FAF2: variants seen among roughly 807,000 people sequenced by gnomAD.
FAF2 encodes Fas associated factor family member 2.
FAF2 carries 9 observed loss-of-function variants against 62.3 expected under a neutral mutation model. The ratio of observed to expected loss-of-function variants is 0.14; its 90% CI spans 0.09 to 0.25. The LOEUF (loss-of-function observed/expected upper bound fraction) is 0.25. FAF2 is among the 10% of genes least tolerant of loss of function. The probability of loss-of-function intolerance (pLI) is 1.00; values close to 1 mark genes in which losing one functional copy is unlikely to be tolerated. For synonymous variants in FAF2, 202 were observed against 198.0 expected (o/e 1.02, Z -0.17); for missense variants, 368 against 556.2 (o/e 0.66, Z 3.40).
At chr5:176,491,111 A>G (rs1008792546) in intron 4 of FAF2, among the ~76,000 whole-genome samples, 1 of 152,204 alleles carries the variant, frequency 6.6e-6, no homozygotes, top group African/African-American at 2.4e-5. Context: ...ATCACAGTTT[A>G]ATCACCTTGT....
chr5:176,496,887 G>C, intron 8 of FAF2: 1 of 315,440 alleles, frequency 3.2e-6, no homozygotes, highest in South Asian at 1.2e-4. Context: ...GCTGGGTGCA[G>C]TGGCTAACAC....
At chr5:176,467,463 T>C (rs1183450894) in intron 1 of FAF2, among the ~76,000 whole-genome samples, 1 of 152,062 alleles carries the variant, frequency 6.6e-6, no homozygotes, top group East Asian at 1.9e-4. Flanking sequence ...CCCGAGTAGC[T>C]AGAGATTACA....
chr5:176,498,954 G>A lies in FAF2; in HGVS notation c.880G>A (p.Asp294Asn). The part of the protein sequence containing the change: ...NQTQVLRQQQ[D>N]EAYLASLRAD... Reference sequence around the variant, plus strand: ...GACCCAAGTGCTGAGACAACAGCAGGATGAGGCCTACCTGGCCTCTCTCAG... The same window carrying A: ...GACCCAAGTGCTGAGACAACAGCAGAATGAGGCCTACCTGGCCTCTCTCAG... The change falls in exon 9 of 11, where the codon GAT (aspartate) becomes AAT (asparagine). Residue 294 changes from aspartate to asparagine, a missense_variant. Coordinates refer to ENST00000261942, the MANE Select transcript of FAF2 (RefSeq NM_014613.3). 6.2e-7 allele frequency: 1 copy of A among 1,611,324 alleles called. No individual in the cohort carries two copies. Among genetic ancestry groups the A allele is most frequent in the Non-Finnish European group, 8.5e-7 (1 of 1,178,136 alleles).
chr5:176,500,188 G>T (rs1388353969), intron 10 of FAF2, 42 bp downstream of exon 10: 1 of 1,598,030 alleles, frequency 6.3e-7, no homozygotes, highest in Admixed American at 1.7e-5. Context: ...GTAGCATCTG[G>T]GCTATAGATT....
At position 176,482,748 on chromosome 5, in the gene FAF2, T is replaced by C. The variant is rs145182522; in HGVS notation, c.132+3492T>C. On this transcript the variant is annotated intron_variant, in intron 2 of 10. Transcript: ENST00000261942. Reference sequence around the variant, plus strand: ...CCAGGCTGGTCTTAAACTCCTGGGCTCCAGTGATTCTCCCAGCTTGTCTTC... The same window carrying C: ...CCAGGCTGGTCTTAAACTCCTGGGCCCCAGTGATTCTCCCAGCTTGTCTTC... Among the ~76,000 whole-genome samples, 308 of 152,310 alleles carry C rather than the reference T, an allele frequency of 2.0e-3. 5 individuals carry two copies. Among genetic ancestry groups the C allele is most frequent in the African/African-American group, 7.2e-3 (299 of 41,556 alleles).
chr5:176,452,114 G>A (rs1289131822), intron 1 of FAF2, among the ~76,000 whole-genome samples: 1 of 150,964 alleles, frequency 6.6e-6, no homozygotes, highest in Non-Finnish European at 1.5e-5. Flanking sequence ...CTGGGGTGCA[G>A]TGGTGCGATC....
intron 7 of FAF2, among the ~76,000 whole-genome samples, chr5:176,495,896 G>T (rs1344072843): frequency 6.6e-6 from 1 of 152,044 alleles, no homozygotes; most frequent in Non-Finnish European, 1.5e-5. Flanking sequence ...GAAAGGATAA[G>T]GAAAGGATTA....
At position 176,473,728 on chromosome 5, in the gene FAF2, C is replaced by T. The variant is rs148976836; in HGVS notation, c.64-5460C>T. Among the ~76,000 whole-genome samples, 468 of 152,264 alleles carry T rather than the reference C, an allele frequency of 3.1e-3. 3 individuals carry two copies. Among genetic ancestry groups the T allele is most frequent in the African/African-American group, 9.2e-3 (384 of 41,538 alleles). The stretch of plus-strand genomic sequence containing the variant: ...TATTTATTTTATTGCTAAAATTGTT[C>T]GAGCTTTAGTCACTGGGATCTTTTT... On this transcript the variant is annotated intron_variant, in intron 1 of 10. Coordinates refer to ENST00000261942, the MANE Select transcript of FAF2 (RefSeq NM_014613.3).
At chr5:176,504,381 C>T (rs1218143373) in intron 10 of FAF2, among the ~76,000 whole-genome samples, 5 of 151,780 alleles carry the variant, frequency 3.3e-5, no homozygotes, top group Admixed American at 6.6e-5. Context: ...GTCAGGAGTT[C>T]GAGACCAGCC....
intron 1 of FAF2, among the ~76,000 whole-genome samples, chr5:176,478,133 G>GTAT (rs1169197502): frequency 6.6e-6 from 1 of 152,218 alleles, no homozygotes; most frequent in African/African-American, 2.4e-5. Context: ...GGCATGAGAT[G>GTAT]TATACATGAA....
chr5:176,501,949 G>T (rs535571531), intron 10 of FAF2, among the ~76,000 whole-genome samples: 1 of 152,020 alleles, frequency 6.6e-6, no homozygotes, highest in Non-Finnish European at 1.5e-5. Flanking sequence ...TAGAGATGGG[G>T]TTTCACCATG....
Position 176,474,277 on chromosome 5 carries a change from C to T in FAF2, c.64-4911C>T, listed in dbSNP as rs189036936. Reference sequence around the variant, plus strand: ...CTACAGACAGAAAACTGGCTTTCATCATTCACCATCTTTTTACTTAATTGT... The same window carrying T: ...CTACAGACAGAAAACTGGCTTTCATTATTCACCATCTTTTTACTTAATTGT... On this transcript the variant is annotated intron_variant, in intron 1 of 10. Coordinates refer to ENST00000261942, the MANE Select transcript of FAF2 (RefSeq NM_014613.3). 3.3e-5 allele frequency among the ~76,000 whole-genome samples: 5 copies of T among 152,332 alleles called. No homozygotes were observed. The East Asian group carries it at 9.6e-4, about 29-fold the overall frequency.
Position 176,492,834 on chromosome 5 carries a change from A to G in FAF2, c.483+502A>G, listed in dbSNP as rs138087238. On this transcript the variant is annotated intron_variant, in intron 5 of 10. Transcript: ENST00000261942. ...TGATAGCAATTTTATATTCTTTCCT[A>G]TATCATTTGTGTTCGTGTCTAATCT... is the stretch of plus-strand genomic sequence containing the variant. Among the ~76,000 whole-genome samples the G allele has an allele frequency of 4.0e-3, 603 of 152,242 alleles. 6 individuals carry two copies. The highest frequency in any genetic ancestry group is 0.014 in the African/African-American group (581 of 41,542).
At chr5:176,468,777 C>CA (rs899452901) in intron 1 of FAF2, among the ~76,000 whole-genome samples, 4 of 144,228 alleles carry the variant, frequency 2.8e-5, no homozygotes, top group Non-Finnish European at 3.0e-5. Flanking sequence ...ATCTAGCCCC[C>CA]AAAAAAACAA....
chr5:176,478,504 G>A (rs904314598), intron 1 of FAF2, among the ~76,000 whole-genome samples: 5 of 152,078 alleles, frequency 3.3e-5, no homozygotes, highest in African/African-American at 1.2e-4. Flanking sequence ...GGGGGTAGGG[G>A]GGTCGGTATG....
chr5:176,474,813 T>C (rs1248901630), intron 1 of FAF2, among the ~76,000 whole-genome samples: 2 of 152,150 alleles, frequency 1.3e-5, no homozygotes, highest in Non-Finnish European at 2.9e-5. Context: ...GTATGTGTGG[T>C]TTGTTTTGAC....
intron 1 of FAF2, among the ~76,000 whole-genome samples, chr5:176,470,105 GT>G (rs1758538974): frequency 6.6e-6 from 1 of 152,220 alleles, no homozygotes; most frequent in Admixed American, 6.5e-5. Flanking sequence ...CCATTAGACA[GT>G]TTCCCCTATA....
At chr5:176,452,954 G>A (rs552370295) in intron 1 of FAF2, among the ~76,000 whole-genome samples, 3 of 152,160 alleles carry the variant, frequency 2.0e-5, no homozygotes, top group East Asian at 3.9e-4. Context: ...TTCTTCATTT[G>A]GTATATTGAA....
intron 7 of FAF2, 119 bp from the exon 8 acceptor site, chr5:176,496,367 A>T: frequency 1.4e-6 from 1 of 730,918 alleles, no homozygotes. Flanking sequence ...ACTAAATGAT[A>T]CCTCTCGTCT....
Sources: gnomAD v4.1 joint callset for allele counts (sites outside exome capture counted in the v4.1 genomes callset) on GRCh38, gnomAD v4.1.1 for gene constraint, MANE v1.5 for transcripts, NCBI Gene and HGNC (gene_info 2026-07-23, HGNC 2026-07-21) for gene names.